The following RBFOX1 variants were observed in gnomAD, a reference collection of about 807,000 sequenced individuals.
RBFOX1 encodes the protein RNA binding protein fox-1 homolog 1.
In RBFOX1, 8 loss-of-function variants were observed where a neutral mutation model predicts 57.7. That is an observed-to-expected ratio of 0.14 (90% CI 0.08 to 0.25). The LOEUF is 0.25. Among genes scored for constraint, RBFOX1 ranks in the 10% least tolerant of loss-of-function variants. The pLI, the probability that RBFOX1 is intolerant of heterozygous loss-of-function variation, is 1.00. For missense variants in RBFOX1, 611 were observed against 548.5 expected (o/e 1.11, Z -1.14); for synonymous variants, 326 against 222.4 (o/e 1.47, Z -4.15).
chr16:7,481,191 A>C (rs1011715785), intron 4 of RBFOX1, among the ~76,000 whole-genome samples: 1 of 152,176 alleles, frequency 6.6e-6, no homozygotes, highest in Non-Finnish European at 1.5e-5. Context: ...TGAGTAACAT[A>C]AATGGAACAG....
At chr16:7,006,956 T>C (rs972107965) in intron 3 of RBFOX1, among the ~76,000 whole-genome samples, 10 of 152,306 alleles carry the variant, frequency 6.6e-5, no homozygotes, top group East Asian at 5.8e-4. Context: ...GTCTTAGTTT[T>C]CTACCACTGC....
chr16:6,988,914 G>T (rs1383849121), intron 3 of RBFOX1, among the ~76,000 whole-genome samples: 1 of 152,034 alleles, frequency 6.6e-6, no homozygotes, highest in Non-Finnish European at 1.5e-5. Context: ...TGGGATTACA[G>T]GCGCCCACTA....
At chr16:5,246,939 G>A (rs933688267) in intron 1 of RBFOX1, among the ~76,000 whole-genome samples, 13 of 152,248 alleles carry the variant, frequency 8.5e-5, no homozygotes, top group African/African-American at 3.1e-4. Flanking sequence ...CCAAAGTGCT[G>A]GGATTACAGA....
chr16:6,999,216 A>ATT (rs374767232), intron 3 of RBFOX1, among the ~76,000 whole-genome samples: 2,787 of 108,696 alleles, frequency 0.026, 54 homozygotes, highest in Non-Finnish European at 0.036. Context: ...ATTTTTATTT[A>ATT]TTTTTTTTAT....
chr16:7,077,187 G>A (rs574321489), intron 4 of RBFOX1, among the ~76,000 whole-genome samples: 6 of 152,248 alleles, frequency 3.9e-5, no homozygotes, highest in South Asian at 4.1e-4. Context: ...TCCCAGCTGC[G>A]CACATAATGC....
intron 4 of RBFOX1, among the ~76,000 whole-genome samples, chr16:7,293,886 C>T (rs546961673): frequency 6.6e-6 from 1 of 152,060 alleles, no homozygotes; most frequent in South Asian, 2.1e-4. Context: ...ACCTGTGTTC[C>T]AGGATGAGAC....
intron 3 of RBFOX1, among the ~76,000 whole-genome samples, chr16:5,743,635 A>T (rs895701504): frequency 1.3e-5 from 2 of 152,202 alleles, no homozygotes; most frequent in Admixed American, 6.5e-5. Context: ...AAATTAAAAA[A>T]TCACACATGA....
At chr16:6,799,221 C>T (rs1487434703) in intron 3 of RBFOX1, among the ~76,000 whole-genome samples, 2 of 152,066 alleles carry the variant, frequency 1.3e-5, no homozygotes, top group African/African-American at 2.4e-5. Context: ...GGAAACCGTG[C>T]ACAGCAATAT....
chr16:6,463,780 C>A (rs1167485985), intron 2 of RBFOX1, among the ~76,000 whole-genome samples: 2 of 152,174 alleles, frequency 1.3e-5, no homozygotes, highest in African/African-American at 4.8e-5. Context: ...CTGAACAGCA[C>A]CAGCAAAGCA....
chr16:6,640,453 G>A (rs7500276), intron 2 of RBFOX1, among the ~76,000 whole-genome samples: 128,018 of 151,652 alleles, frequency 0.84, 55,041 homozygotes, highest in Middle Eastern at 0.97. Context: ...TGCTAAAAAT[G>A]CAGAAATTAG....
At chr16:5,351,255 AAT>A (rs566884537) in intron 1 of RBFOX1, among the ~76,000 whole-genome samples, 90 of 152,346 alleles carry the variant, frequency 5.9e-4, no homozygotes, top group African/African-American at 2.1e-3. Flanking sequence ...TTCAATAAAT[AAT>A]ATGTTTGTCA....
At chr16:7,404,012 A>C (rs1054199506) in intron 4 of RBFOX1, among the ~76,000 whole-genome samples, 3 of 104,078 alleles carry the variant, frequency 2.9e-5, no homozygotes, top group Non-Finnish European at 6.9e-5. Flanking sequence ...GGGAGTGCAT[A>C]TCCTGATTTC....
At chr16:6,873,359 A>G (rs747941629) in intron 3 of RBFOX1, among the ~76,000 whole-genome samples, 6 of 152,168 alleles carry the variant, frequency 3.9e-5, no homozygotes, top group Non-Finnish European at 8.8e-5. Context: ...AGACATGATT[A>G]TGCTTTAATT....
chr16:5,257,193 C>G (rs1292738635), intron 1 of RBFOX1, among the ~76,000 whole-genome samples: 12 of 152,112 alleles, frequency 7.9e-5, no homozygotes, highest in Non-Finnish European at 5.9e-5. Context: ...AAAAACAGCC[C>G]TGACCTAAAT....
intron 3 of RBFOX1, among the ~76,000 whole-genome samples, chr16:6,727,867 T>G (rs2067610974): frequency 6.6e-6 from 1 of 152,310 alleles, no homozygotes; most frequent in East Asian, 1.9e-4. Context: ...TGGCATTAAC[T>G]TACAGTCCAG....
chr16:6,664,593 T>C (rs2098720564), intron 3 of RBFOX1, among the ~76,000 whole-genome samples: 1 of 152,212 alleles, frequency 6.6e-6, no homozygotes, highest in Non-Finnish European at 1.5e-5. Flanking sequence ...GCTGCGCATG[T>C]AGCCCACCAC....
intron 4 of RBFOX1, among the ~76,000 whole-genome samples, chr16:5,872,659 C>G (rs1020104943): frequency 2.0e-5 from 3 of 151,898 alleles, no homozygotes; most frequent in Non-Finnish European, 4.4e-5. Flanking sequence ...TTGCTTGAGC[C>G]CAGGAGGTTG....
intron 4 of RBFOX1, among the ~76,000 whole-genome samples, chr16:5,875,991 C>G (rs528108722): frequency 1.3e-5 from 2 of 151,918 alleles, no homozygotes; most frequent in African/African-American, 4.8e-5. Context: ...CTACAGGCCC[C>G]CGACAGCACA....
chr16:5,672,174 A>C (rs938117622), intron 3 of RBFOX1, among the ~76,000 whole-genome samples: 3 of 152,114 alleles, frequency 2.0e-5, no homozygotes, highest in African/African-American at 7.2e-5. Flanking sequence ...GCAGGGATGG[A>C]AGGATTCCAT....
Sources: allele counts gnomAD v4.1 joint callset (sites outside exome capture counted in the v4.1 genomes callset), GRCh38; gene constraint gnomAD v4.1.1; transcripts MANE v1.5; gene names NCBI Gene and HGNC (gene_info 2026-07-23, HGNC 2026-07-21).